The following TLK1 variants were observed in gnomAD, a reference collection of about 807,000 sequenced individuals.
TLK1 encodes the protein serine/threonine-protein kinase tousled-like 1.
A neutral mutation model predicts 105.3 loss-of-function variants in TLK1; 24 were observed. The observed-to-expected ratio is 0.23, with a 90% CI of 0.17 to 0.32. The LOEUF is 0.32. Among genes scored for constraint, TLK1 ranks in the 10% least tolerant of loss-of-function variants. TLK1 has a pLI of 1.00. For synonymous variants in TLK1, 321 were observed against 310.4 expected (o/e 1.03, Z -0.36); for missense variants, 558 against 910.5 (o/e 0.61, Z 4.98).
chr2:171,207,708 A>C (rs1046443429), intron 1 of TLK1, among the ~76,000 whole-genome samples: 2 of 152,140 alleles, frequency 1.3e-5, no homozygotes, highest in Non-Finnish European at 2.9e-5. Flanking sequence ...TTTAAAAGGG[A>C]GGGGAGTCTA....
chr2:171,186,046 C>T (rs1460094824), intron 1 of TLK1, among the ~76,000 whole-genome samples: 2 of 152,332 alleles, frequency 1.3e-5, no homozygotes, highest in African/African-American at 2.4e-5. Context: ...ATCTTACTCA[C>T]AAGGCTTGGC....
chr2:171,080,650 C>G (rs916122472), intron 3 of TLK1, among the ~76,000 whole-genome samples: 2 of 150,982 alleles, frequency 1.3e-5, no homozygotes, highest in African/African-American at 2.4e-5. Context: ...TAGACTTAAC[C>G]ATTAATTTGT....
At chr2:171,007,946 T>C (rs1297009918) in intron 14 of TLK1, among the ~76,000 whole-genome samples, 2 of 152,164 alleles carry the variant, frequency 1.3e-5, no homozygotes, top group East Asian at 1.9e-4. Flanking sequence ...ACTTATGTTT[T>C]TTTAAAAAGC....
intron 2 of TLK1, among the ~76,000 whole-genome samples, chr2:171,090,517 T>C (rs1222191068): frequency 6.6e-6 from 1 of 152,236 alleles, no homozygotes; most frequent in African/African-American, 2.4e-5. Context: ...TTATTCTAAA[T>C]GTAGTGAGGA....
At chr2:171,093,265 T>C (rs906408541) in intron 2 of TLK1, among the ~76,000 whole-genome samples, 4 of 152,060 alleles carry the variant, frequency 2.6e-5, no homozygotes. Context: ...AAGAAACAAA[T>C]AATTAAAATG....
intron 1 of TLK1, among the ~76,000 whole-genome samples, chr2:171,193,401 T>G (rs1693193596): frequency 9.6e-6 from 1 of 104,080 alleles, no homozygotes; most frequent in Admixed American, 9.2e-5. Context: ...TAGTTTTTCG[T>G]TTTTTTTTTT....
At chr2:171,153,646 A>G (rs1157390306) in intron 1 of TLK1, among the ~76,000 whole-genome samples, 1 of 152,218 alleles carries the variant, frequency 6.6e-6, no homozygotes, top group Admixed American at 6.5e-5. Flanking sequence ...GAAACAGACA[A>G]TCCTGTGAGA....
intron 11 of TLK1, among the ~76,000 whole-genome samples, chr2:171,029,102 G>C (rs557891459): frequency 6.6e-6 from 1 of 152,266 alleles, no homozygotes; most frequent in South Asian, 2.1e-4. Context: ...GTAGTCAAAA[G>C]GGTTGTGAGT....
intron 3 of TLK1, among the ~76,000 whole-genome samples, chr2:171,080,765 T>C (rs1688715449): frequency 6.6e-6 from 1 of 151,764 alleles, no homozygotes; most frequent in Non-Finnish European, 1.5e-5. Context: ...TGGAGTGCAG[T>C]GGCACAATCA....
intron 11 of TLK1, among the ~76,000 whole-genome samples, chr2:171,043,421 T>TTA (rs1348542379): frequency 1.3e-5 from 2 of 152,174 alleles, no homozygotes; most frequent in Non-Finnish European, 2.9e-5. Flanking sequence ...CAAAAGTGCT[T>TTA]TATAAGCCAT....
intron 8 of TLK1, 192 bp downstream of exon 8, chr2:171,053,569 G>C: frequency 4.9e-6 from 2 of 406,974 alleles, no homozygotes; most frequent in Non-Finnish European, 8.8e-6. Context: ...CACCATGTTG[G>C]CCAGGATGCT....
intron 1 of TLK1, among the ~76,000 whole-genome samples, chr2:171,174,517 C>A (rs1692785521): frequency 6.6e-6 from 1 of 152,080 alleles, no homozygotes. Context: ...ATTTAACATG[C>A]AATATTAAGC....
At chr2:171,001,184 G>T (rs565440758) in intron 18 of TLK1, among the ~76,000 whole-genome samples, 7 of 152,306 alleles carry the variant, frequency 4.6e-5, no homozygotes, top group African/African-American at 1.7e-4. Context: ...ATCTTCAGTG[G>T]TGTAATCCTT....
chr2:171,070,037 A>G (rs1334377595), intron 3 of TLK1, among the ~76,000 whole-genome samples: 1 of 152,188 alleles, frequency 6.6e-6, no homozygotes, highest in Non-Finnish European at 1.5e-5. Context: ...AGGTGGGTAG[A>G]CAACAGCTAT....
At chr2:171,224,319 C>T (rs1693861122) in intron 1 of TLK1, among the ~76,000 whole-genome samples, 1 of 152,116 alleles carries the variant, frequency 6.6e-6, no homozygotes, top group Non-Finnish European at 1.5e-5. Context: ...TTTATGTCAG[C>T]CCTGTGCTGT....
intron 1 of TLK1, among the ~76,000 whole-genome samples, chr2:171,209,948 T>C (rs1375173173): frequency 6.6e-6 from 1 of 152,212 alleles, no homozygotes; most frequent in Non-Finnish European, 1.5e-5. Context: ...ATGACAATAC[T>C]GATACACATT....
At chr2:171,230,442 AC>A (rs944058092) in intron 1 of TLK1, among the ~76,000 whole-genome samples, 20 of 152,142 alleles carry the variant, frequency 1.3e-4, no homozygotes, top group Non-Finnish European at 2.6e-4. Flanking sequence ...AATAGCTGAC[AC>A]CACCCAGTTT....
chr2:171,066,979 A>C, intron 3 of TLK1: 2 of 1,529,534 alleles, frequency 1.3e-6, no homozygotes, highest in Non-Finnish European at 1.8e-6. Flanking sequence ...GTAATAGTCA[A>C]ATTCAGAGCT....
intron 2 of TLK1, among the ~76,000 whole-genome samples, chr2:171,096,558 AC>A (rs1689461698): frequency 6.6e-6 from 1 of 152,118 alleles, no homozygotes; most frequent in Non-Finnish European, 1.5e-5. Context: ...GGAGTTCCAG[AC>A]CAGCCTGGCC....
Sources: allele counts gnomAD v4.1 joint callset (sites outside exome capture counted in the v4.1 genomes callset), GRCh38; gene constraint gnomAD v4.1.1; transcripts MANE v1.5; gene names NCBI Gene and HGNC (gene_info 2026-07-23, HGNC 2026-07-21).